The following QTGAL variants were observed in gnomAD, a reference collection of about 807,000 sequenced individuals.
The protein encoded by QTGAL is BGnT-like protein 1.
At chr17:83,050,920 G>T in the QTGAL span, among the ~76,000 whole-genome samples, 1 of 151,992 alleles carries the variant, frequency 6.6e-6, no homozygotes, top group Non-Finnish European at 1.5e-5. Flanking sequence ...TGTGAAGCAG[G>T]TGTGCAGGCA....
the QTGAL span, among the ~76,000 whole-genome samples, chr17:83,033,475 C>CTTT: frequency 5.2e-4 from 75 of 145,524 alleles, 1 homozygote; most frequent in South Asian, 0.016. Flanking sequence ...AAGTTATATG[C>CTTT]TTTTTTTTTT....
the QTGAL span, among the ~76,000 whole-genome samples, chr17:83,020,635 G>A: frequency 6.6e-6 from 1 of 152,204 alleles, no homozygotes; most frequent in Non-Finnish European, 1.5e-5. Flanking sequence ...TGCCCATCGG[G>A]AGACAAAGTC....
chr17:82,947,422 CT>C, the QTGAL span: 1 of 166,984 alleles, frequency 6.0e-6, no homozygotes, highest in Non-Finnish European at 1.3e-5. Flanking sequence ...CCTGTCTGAT[CT>C]CCTCTGGCCT....
chr17:83,002,330 A>G, the QTGAL span, among the ~76,000 whole-genome samples: 2 of 152,176 alleles, frequency 1.3e-5, no homozygotes, highest in Non-Finnish European at 2.9e-5. Context: ...ACATGTGTCC[A>G]GACTGCTGCA....
chr17:83,034,298 T>A, the QTGAL span, among the ~76,000 whole-genome samples: 4 of 152,262 alleles, frequency 2.6e-5, no homozygotes, highest in Non-Finnish European at 4.4e-5. Context: ...ATCTTTTAAG[T>A]ACCATATTTT....
the QTGAL span, among the ~76,000 whole-genome samples, chr17:82,984,294 G>A: frequency 7.0e-6 from 1 of 142,048 alleles, no homozygotes; most frequent in Admixed American, 6.9e-5. Flanking sequence ...GAGCACACGG[G>A]GGAGAGGCCA....
chr17:82,964,027 T>TTGG, the QTGAL span, among the ~76,000 whole-genome samples: 5 of 144,840 alleles, frequency 3.5e-5, no homozygotes, highest in South Asian at 2.1e-4. Context: ...AAGGCTGAGG[T>TTGG]CGGGGGGGTG....
At chr17:83,046,700 G>A in the QTGAL span, among the ~76,000 whole-genome samples, 1 of 152,202 alleles carries the variant, frequency 6.6e-6, no homozygotes, top group East Asian at 1.9e-4. Context: ...ATTACAATAT[G>A]AGCCAGAAAT....
chr17:83,028,446 C>T, the QTGAL span, among the ~76,000 whole-genome samples: 1 of 149,810 alleles, frequency 6.7e-6, no homozygotes, highest in Non-Finnish European at 1.5e-5. Context: ...ATGGCGTGAA[C>T]CCCAGGGGGC....
At chr17:82,955,871 C>A in the QTGAL span, among the ~76,000 whole-genome samples, 3 of 151,978 alleles carry the variant, frequency 2.0e-5, no homozygotes, top group Non-Finnish European at 4.4e-5. Flanking sequence ...AGCTGGAAAC[C>A]ATCATCCTCA....
the QTGAL span, chr17:82,944,382 T>TAA: frequency 7.9e-5 from 12 of 152,194 alleles, no homozygotes; most frequent in African/African-American, 2.9e-4. Flanking sequence ...GTCCAGGTGA[T>TAA]AGAGTTTGGC....
At chr17:82,963,502 T>C in the QTGAL span, among the ~76,000 whole-genome samples, 18 of 152,244 alleles carry the variant, frequency 1.2e-4, no homozygotes, top group Non-Finnish European at 2.4e-4. Context: ...AGCCTCTCCC[T>C]CTACAATAGC....
At chr17:83,002,394 C>T in the QTGAL span, among the ~76,000 whole-genome samples, 44 of 152,250 alleles carry the variant, frequency 2.9e-4, no homozygotes, top group Admixed American at 1.3e-3. Flanking sequence ...ACGAGGTGCA[C>T]GTTACTTAGA....
chr17:82,951,130 GAGTC>G, the QTGAL span, among the ~76,000 whole-genome samples: 1 of 152,352 alleles, frequency 6.6e-6, no homozygotes, highest in Admixed American at 6.5e-5. Flanking sequence ...TCACGGCAAA[GAGTC>G]AGACTGTCTT....
the QTGAL span, among the ~76,000 whole-genome samples, chr17:83,000,639 C>T: frequency 6.6e-6 from 1 of 152,196 alleles, no homozygotes; most frequent in Non-Finnish European, 1.5e-5. Context: ...CATGACACAT[C>T]TTTTTGTTAG....
chr17:83,051,433 G>A, the QTGAL span, among the ~76,000 whole-genome samples: 2 of 152,180 alleles, frequency 1.3e-5, no homozygotes, highest in Non-Finnish European at 2.9e-5. Flanking sequence ...TCCGAGCCCG[G>A]AAGCTTCAAA....
the QTGAL span, among the ~76,000 whole-genome samples, chr17:82,970,264 G>T: frequency 2.0e-5 from 3 of 152,230 alleles, no homozygotes; most frequent in African/African-American, 4.8e-5. Context: ...TACCCCACGG[G>T]CCCCGAGGCC....
chr17:82,964,635 G>A, the QTGAL span, among the ~76,000 whole-genome samples: 4 of 139,348 alleles, frequency 2.9e-5, no homozygotes, highest in African/African-American at 8.2e-5. Context: ...CCCCCACGGG[G>A]AGGACGGGGA....
chr17:82,946,977 T>G, the QTGAL span: 1 of 1,560,406 alleles, frequency 6.4e-7, no homozygotes, highest in Non-Finnish European at 8.7e-7. Context: ...GCGCCCCCTG[T>G]GAGGTCCTGT....
Sources: gnomAD v4.1 joint callset for allele counts (sites outside exome capture counted in the v4.1 genomes callset) on GRCh38, gnomAD v4.1.1 for gene constraint, MANE v1.5 for transcripts, NCBI Gene and HGNC (gene_info 2026-07-23, HGNC 2026-07-21) for gene names.